CTNNA2: variants seen among roughly 807,000 people sequenced by gnomAD.
CTNNA2 encodes catenin alpha-2.
Under a neutral mutation model 101.0 loss-of-function variants are expected in CTNNA2, and 42 were observed. The ratio of observed to expected loss-of-function variants is 0.42; its 90% CI spans 0.32 to 0.54. CTNNA2 has a LOEUF of 0.54. CTNNA2 is among the 20% of genes least tolerant of loss of function. The probability of loss-of-function intolerance (pLI) is 0.14; values close to 1 mark genes in which losing one functional copy is unlikely to be tolerated. For synonymous variants in CTNNA2, 450 were observed against 456.4 expected (o/e 0.99, Z 0.18); for missense variants, 871 against 1,223.1 (o/e 0.71, Z 4.29).
At chr2:79,620,882 G>T (rs189998077) in intron 1 of CTNNA2, among the ~76,000 whole-genome samples, 1 of 152,182 alleles carries the variant, frequency 6.6e-6, no homozygotes. Context: ...TGACTAGAGC[G>T]TTAAAAATTA....
intron 6 of CTNNA2, among the ~76,000 whole-genome samples, chr2:79,898,513 G>C (rs1684864831): frequency 6.6e-6 from 1 of 152,134 alleles, no homozygotes; most frequent in Admixed American, 6.5e-5. Context: ...GGGCCTTGGA[G>C]TCAGAAAGAC....
intron 7 of CTNNA2, among the ~76,000 whole-genome samples, chr2:80,329,553 GGTTGGCCAGACTGAAACGGAAGGGCT>G (rs1366806277): frequency 1.3e-5 from 2 of 152,180 alleles, no homozygotes; most frequent in African/African-American, 4.8e-5. Context: ...GTAGGGAACA[GGTTGGCCAGACTGAAACGGAAGGGCT>G]GTGTTAGGAT....
Position 80,546,074 on chromosome 2 carries a change from C to A in CTNNA2, c.1540+11C>A, listed in dbSNP as rs1409246719. 1 of 1,613,216 alleles carries A rather than the reference C, an allele frequency of 6.2e-7. No homozygotes were observed. The highest frequency in any genetic ancestry group is 2.2e-5 in the East Asian group (1 of 44,812). On this transcript the variant is annotated intron_variant, in intron 11 of 18. Coordinates refer to ENST00000402739, the MANE Select transcript of CTNNA2 (RefSeq NM_001282597.3). ...TCCTCTCTGTCTCAGGTAATCATCA[C>A]AAACAGGTCCCTTACAAGGCAGCTG...
chr2:80,453,604 G>C (rs1235475261), intron 9 of CTNNA2, among the ~76,000 whole-genome samples: 1 of 152,114 alleles, frequency 6.6e-6, no homozygotes, highest in Non-Finnish European at 1.5e-5. Flanking sequence ...CAAGACAGAA[G>C]AGAGAAACCA....
At chr2:79,287,954 G>A (rs913880341) in intron 2 of CTNNA2, among the ~76,000 whole-genome samples, 1 of 152,214 alleles carries the variant, frequency 6.6e-6, no homozygotes. Flanking sequence ...CTCCTGATGC[G>A]CTGTTTTTTA....
intron 2 of CTNNA2, among the ~76,000 whole-genome samples, chr2:79,244,208 A>G (rs1558585032): frequency 6.6e-6 from 1 of 152,032 alleles, no homozygotes; most frequent in African/African-American, 2.4e-5. Context: ...ATATTTTCTC[A>G]TTTGATCTCT....
At chr2:79,967,394 C>A (rs1332469069) in intron 7 of CTNNA2, among the ~76,000 whole-genome samples, 1 of 152,156 alleles carries the variant, frequency 6.6e-6, no homozygotes, top group Non-Finnish European at 1.5e-5. Context: ...CAAAAGGTCT[C>A]AATCTCTACA....
At chr2:80,441,059 A>T (rs374100930) in intron 9 of CTNNA2, among the ~76,000 whole-genome samples, 14 of 152,200 alleles carry the variant, frequency 9.2e-5, no homozygotes, top group South Asian at 6.2e-4. Context: ...TAAAGCTTTC[A>T]TTGGAAAATG....
At chr2:79,738,212 A>C (rs1671033859) in intron 2 of CTNNA2, among the ~76,000 whole-genome samples, 1 of 152,154 alleles carries the variant, frequency 6.6e-6, no homozygotes, top group African/African-American at 2.4e-5. Flanking sequence ...TGAGTTTTCC[A>C]CTGGCCAGTG....
chr2:79,321,224 G>A (rs1450468790), intron 3 of CTNNA2, among the ~76,000 whole-genome samples: 1 of 152,122 alleles, frequency 6.6e-6, no homozygotes, highest in African/African-American at 2.4e-5. Context: ...GGCTTAAAGA[G>A]GTCAAGCAAC....
rs200882234 is a variant in CTNNA2, at chr2:79,538,357, C to T, written c.-6+25150C>T. Among the ~76,000 whole-genome samples the T allele has an allele frequency of 1.3e-3, 201 of 151,750 alleles. 3 individuals carry two copies. In the East Asian group the frequency reaches 0.03, roughly 22 times the overall value. ...AGACTAAAGCTGTTATGATTTTTTT[C>T]TCTAATCCTTTATTTATTTATTGTT... On this transcript the variant is annotated intron_variant, in intron 1 of 18. Transcript: ENST00000402739.
intron 7 of CTNNA2, among the ~76,000 whole-genome samples, chr2:79,913,938 C>T (rs532431183): frequency 5.2e-4 from 68 of 130,040 alleles, no homozygotes; most frequent in African/African-American, 1.5e-3. Flanking sequence ...GAGGCCGAGG[C>T]GGGCGGATCA....
In CTNNA2 at chr2:79,226,966, G is replaced by A. The variant is rs139924120; in HGVS notation, c.-406+28890G>A. On this transcript the variant is annotated intron_variant, in intron 2 of 21. Transcript: ENST00000466387. ...TTCAGCTGCTCAGATGGAGAGCTCT[G>A]AGGGACTCTGGGACAAATTTCCTCC... 3.5e-3 allele frequency among the ~76,000 whole-genome samples: 444 copies of A among 125,184 alleles called. 3 individuals are homozygous for A. The highest frequency in any genetic ancestry group is 0.013 in the African/African-American group (424 of 32,140). The allele number at this position is 125,184 out of a possible 152,430, so 82.1% of individuals were successfully genotyped here.
At chr2:80,430,150 A>G (rs1350908185) in intron 9 of CTNNA2, among the ~76,000 whole-genome samples, 1 of 152,186 alleles carries the variant, frequency 6.6e-6, no homozygotes, top group Non-Finnish European at 1.5e-5. Context: ...ACATTTAGAT[A>G]AAAACTAACC....
rs190460382 is a variant in CTNNA2, at chr2:79,858,824, A to G, written c.465+645A>G. On this transcript the variant is annotated intron_variant, in intron 4 of 18. Coordinates refer to ENST00000402739, the MANE Select transcript of CTNNA2 (RefSeq NM_001282597.3). ...CACCATTCTATGTGCCTTGCTTTTCATGGTTTCTTTTAATTCTTTTGTTTC... is the reference window on the plus strand; with the variant it reads ...CACCATTCTATGTGCCTTGCTTTTCGTGGTTTCTTTTAATTCTTTTGTTTC... Among the ~76,000 whole-genome samples the G allele has an allele frequency of 2.7e-3, 411 of 152,022 alleles. 4 individuals are homozygous for G. Among genetic ancestry groups the G allele is most frequent in the African/African-American group, 9.4e-3 (391 of 41,450 alleles).
chr2:80,239,805 G>A (rs1186258118), intron 7 of CTNNA2, among the ~76,000 whole-genome samples: 11 of 151,844 alleles, frequency 7.2e-5, no homozygotes, highest in South Asian at 2.1e-4. Context: ...CCAGCTACTC[G>A]GGAGGCTGAG....
chr2:79,306,574 G>A (rs1271286522), intron 2 of CTNNA2, among the ~76,000 whole-genome samples: 1 of 152,120 alleles, frequency 6.6e-6, no homozygotes, highest in Non-Finnish European at 1.5e-5. Context: ...GTGGACACAG[G>A]CTGTTTTAAA....
At chr2:79,202,106 T>C (rs1314000188) in intron 2 of CTNNA2, among the ~76,000 whole-genome samples, 1 of 152,186 alleles carries the variant, frequency 6.6e-6, no homozygotes, top group Non-Finnish European at 1.5e-5. Flanking sequence ...GCTCAGTGAA[T>C]CTGCATTTTT....
chr2:80,063,497 G>A (rs1553441490), intron 7 of CTNNA2, among the ~76,000 whole-genome samples: 1 of 152,224 alleles, frequency 6.6e-6, no homozygotes, highest in Non-Finnish European at 1.5e-5. Context: ...TGGCAGACTG[G>A]TAAAGGAGAA....
Sources: allele counts gnomAD v4.1 joint callset (sites outside exome capture counted in the v4.1 genomes callset), GRCh38; gene constraint gnomAD v4.1.1; transcripts MANE v1.5; gene names NCBI Gene and HGNC (gene_info 2026-07-23, HGNC 2026-07-21).